Variants in MORN1 observed in about 807,000 individuals in gnomAD.
MORN1 encodes the protein MORN repeat-containing protein 1.
In MORN1, 67 loss-of-function variants were observed where a neutral mutation model predicts 61.9. That is an observed-to-expected ratio of 1.08 (90% CI 0.89 to 1.33). The LOEUF is 1.33. Among genes scored for constraint, MORN1 ranks in the 40% most tolerant of loss-of-function variants. MORN1 has a pLI of 0.00. For missense variants in MORN1, 752 were observed against 691.2 expected, an observed-to-expected ratio of 1.09 and a Z score of -0.99; for synonymous variants, 301 against 292.0, an observed-to-expected ratio of 1.03 and a Z score of -0.31.
At chr1:2,335,226 A>C (rs1641239674) in intron 12 of MORN1, among the ~76,000 whole-genome samples, 1 of 152,226 alleles carries the variant, frequency 6.6e-6, no homozygotes, top group African/African-American at 2.4e-5. Context: ...AGGGGGCTGC[A>C]GCAGGCCCTC....
chr1:2,325,136 CTCCCTCCCTCCCTTCCT>C (rs1640984944), intron 12 of MORN1, among the ~76,000 whole-genome samples: 8 of 5,320 alleles, frequency 1.5e-3, no homozygotes, highest in African/African-American at 6.1e-3. Context: ...CCTTCCTTCC[CTCCCTCCCTCCCTTCCT>C]TCCCTCCCTT....
At position 2,346,527 on chromosome 1, in the gene MORN1, A is replaced by G. The variant is rs573318403; in HGVS notation, c.1037-9677T>C. 3.5e-4 allele frequency among the ~76,000 whole-genome samples: 54 copies of G among 152,236 alleles called. No individual in the cohort carries two copies. The South Asian group carries it at 9.3e-3, about 26-fold the overall frequency. ...CAGCCTCCTGAGTAGCTGGGATTAC[A>G]GGCGCCCGCCACCACACCTGGCTAA... On this transcript the variant is annotated intron_variant, in intron 10 of 13. Coordinates refer to ENST00000378531, the MANE Select transcript of MORN1 (RefSeq NM_024848.3).
chr1:2,335,206 G>A (rs1482953557), intron 12 of MORN1, among the ~76,000 whole-genome samples: 2 of 152,244 alleles, frequency 1.3e-5, no homozygotes, highest in Non-Finnish European at 2.9e-5. Flanking sequence ...CCCACGAGGG[G>A]CCTCACTGCA....
intron 10 of MORN1, among the ~76,000 whole-genome samples, chr1:2,342,605 T>A (rs1052120276): frequency 6.6e-6 from 1 of 152,044 alleles, no homozygotes; most frequent in Admixed American, 6.5e-5. Flanking sequence ...CCTCTCGGAC[T>A]CCCCTGCTGT....
At chr1:2,359,680 T>A (rs1275459104) in intron 8 of MORN1, among the ~76,000 whole-genome samples, 2 of 152,078 alleles carry the variant, frequency 1.3e-5, no homozygotes, top group Non-Finnish European at 2.9e-5. Flanking sequence ...GTCAGGAGTT[T>A]GAGACCAGCC....
rs1641313860 is a variant in MORN1 at position 2,337,942 on chromosome 1, C to T, written c.1037-1092G>A. On this transcript the variant is annotated intron_variant, in intron 10 of 13. Transcript: ENST00000378531. The surrounding 1 kb of genome is among the most constrained non-coding windows in gnomAD (Gnocchi z 5.7). ...GATGGATAGAAGGGTGGAGCCAAGA[C>T]AGTGCCCAGGAGGGAAGGAGGAGTC... Among the ~76,000 whole-genome samples the T allele has an allele frequency of 6.6e-6, 1 of 152,190 alleles. No individual in the cohort carries two copies. The highest frequency in any genetic ancestry group is 1.5e-5 in the Non-Finnish European group (1 of 68,026).
At chr1:2,321,749 G>A (rs947515382) in intron 13 of MORN1, among the ~76,000 whole-genome samples, 170 bp from the exon 14 acceptor site, 5 of 152,152 alleles carry the variant, frequency 3.3e-5, no homozygotes, top group African/African-American at 9.7e-5. Context: ...ACTGGCCACC[G>A]GACCGGTCCT....
intron 8 of MORN1, among the ~76,000 whole-genome samples, chr1:2,362,507 G>A (rs951427072): frequency 6.6e-6 from 1 of 152,158 alleles, no homozygotes; most frequent in African/African-American, 2.4e-5. Flanking sequence ...AAAACAGAAG[G>A]AAGAAAGGAA....
At chr1:2,389,794 G>A (rs2100382728) in intron 2 of MORN1, 131 bp downstream of exon 2, 2 of 797,314 alleles carry the variant, frequency 2.5e-6, no homozygotes, top group South Asian at 1.6e-5. Context: ...TGAGCAGCCA[G>A]GGAAGCACCA....
At chr1:2,367,732 T>G (rs1642027756) in intron 8 of MORN1, among the ~76,000 whole-genome samples, 1 of 152,036 alleles carries the variant, frequency 6.6e-6, no homozygotes, top group African/African-American at 2.4e-5. Context: ...GTTCAAGCAA[T>G]TCTCCCTGCC....
Position 2,385,070 on chromosome 1 carries a change from G to T in MORN1, c.450-5C>A. 6.3e-7 allele frequency: 1 copy of T among 1,586,252 alleles called. No individual in the cohort carries two copies. Among genetic ancestry groups the T allele is most frequent in the East Asian group, 2.3e-5 (1 of 43,948 alleles). ...CCGTCGTACTTGTCACCGTTCCTGG[G>T]GGACACACGCACGGAGTCCACTCTC... On this transcript the variant is annotated splice_region_variant and splice_polypyrimidine_tract_variant and intron_variant, in intron 5 of 13. Coordinates refer to ENST00000378531, the MANE Select transcript of MORN1 (RefSeq NM_024848.3).
intron 8 of MORN1, among the ~76,000 whole-genome samples, chr1:2,361,353 T>G (rs918939032): frequency 2.6e-5 from 4 of 152,120 alleles, no homozygotes; most frequent in African/African-American, 9.7e-5. Flanking sequence ...GGTCAGGAGT[T>G]TGAGACCAGC....
chr1:2,327,047 C>T (rs1641041153), intron 12 of MORN1, among the ~76,000 whole-genome samples: 1 of 152,104 alleles, frequency 6.6e-6, no homozygotes. Context: ...GACAGAAACA[C>T]AGAGACACAG....
chr1:2,321,929 A>T (rs1356081197), intron 13 of MORN1: 1 of 786,312 alleles, frequency 1.3e-6, no homozygotes, highest in South Asian at 5.8e-5. Context: ...TGACCTGGCT[A>T]CAGGTCCCTG....
intron 10 of MORN1, among the ~76,000 whole-genome samples, chr1:2,339,125 G>A (rs1347221899): frequency 1.3e-5 from 2 of 152,196 alleles, no homozygotes; most frequent in Non-Finnish European, 1.5e-5. Flanking sequence ...TGGCCAAGAC[G>A]CTTTTTGTTG....
At chr1:2,367,854 C>T (rs1205780767) in intron 8 of MORN1, among the ~76,000 whole-genome samples, 1 of 152,100 alleles carries the variant, frequency 6.6e-6, no homozygotes, top group East Asian at 1.9e-4. Context: ...GTCTTGAACT[C>T]CTGACCTCAG....
intron 12 of MORN1, among the ~76,000 whole-genome samples, chr1:2,331,484 C>T (rs1254705424): frequency 8.5e-5 from 13 of 152,186 alleles, no homozygotes; most frequent in African/African-American, 1.4e-4. Flanking sequence ...GTAGGGCCCT[C>T]GCAGCAGGAC....
chr1:2,360,143 G>A (rs1215470870), intron 8 of MORN1, among the ~76,000 whole-genome samples: 1 of 152,174 alleles, frequency 6.6e-6, no homozygotes, highest in African/African-American at 2.4e-5. Flanking sequence ...ACAGGTCCAG[G>A]GCCTGGTCAT....
intron 13 of MORN1, chr1:2,322,755 C>T: frequency 1.0e-6 from 1 of 985,444 alleles, no homozygotes. Context: ...CAGTGGTGGC[C>T]AAGGCGCTGG....
Sources: gnomAD v4.1 joint callset for allele counts (sites outside exome capture counted in the v4.1 genomes callset) on GRCh38, gnomAD v4.1.1 for gene constraint, Gnocchi (gnomAD v3.1) non-coding constraint, MANE v1.5 for transcripts, NCBI Gene and HGNC (gene_info 2026-07-23, HGNC 2026-07-21) for gene names.